The following PBX3 variants were observed in gnomAD, a reference collection of about 807,000 sequenced individuals.
PBX3 encodes PBX homeobox 3.
Under a neutral mutation model 48.5 loss-of-function variants are expected in PBX3, and 14 were observed. That is an observed-to-expected ratio of 0.29 (90% CI 0.19 to 0.45). PBX3 has a LOEUF of 0.45. Ranked by LOEUF, PBX3 falls within the 20% of genes least tolerant of loss-of-function variation. PBX3 has a pLI of 1.00. For synonymous variants in PBX3, 210 were observed against 200.3 expected, an observed-to-expected ratio of 1.05 and a Z score of -0.41; for missense variants, 386 against 546.7, an observed-to-expected ratio of 0.71 and a Z score of 2.93.
At chr9:125,846,783 A>G (rs929106550) in intron 2 of PBX3, among the ~76,000 whole-genome samples, 6 of 152,092 alleles carry the variant, frequency 3.9e-5, no homozygotes, top group Admixed American at 6.6e-5. Flanking sequence ...AATATGAACC[A>G]TAATTCCTTG....
At chr9:125,748,394 A>G (rs1588111825) in intron 1 of PBX3, 156 bp from the exon 2 acceptor site, 1 of 1,389,832 alleles carries the variant, frequency 7.2e-7, no homozygotes, top group Non-Finnish European at 9.4e-7. Flanking sequence ...GGCTGTCGGG[A>G]ACTAGTCAAC....
chr9:125,791,949 C>G (rs1321569124), intron 2 of PBX3, among the ~76,000 whole-genome samples: 1 of 151,928 alleles, frequency 6.6e-6, no homozygotes, highest in Non-Finnish European at 1.5e-5. Flanking sequence ...GCCTGTGGAA[C>G]TGTGAGTCAG....
chr9:125,820,557 A>G (rs560061726), intron 2 of PBX3, among the ~76,000 whole-genome samples: 3 of 152,374 alleles, frequency 2.0e-5, no homozygotes, highest in South Asian at 4.1e-4. Flanking sequence ...ATTGCTGTCA[A>G]CAGACCAAAA....
At chr9:125,910,517 G>A (rs1051264338) in intron 2 of PBX3, among the ~76,000 whole-genome samples, 4 of 151,938 alleles carry the variant, frequency 2.6e-5, no homozygotes, top group Admixed American at 2.0e-4. Context: ...AATAGAGAAT[G>A]AGTCAAGCGA....
intron 2 of PBX3, among the ~76,000 whole-genome samples, chr9:125,843,307 A>G (rs1271714940): frequency 1.3e-5 from 2 of 152,152 alleles, no homozygotes; most frequent in Non-Finnish European, 2.9e-5. Flanking sequence ...TTTTACTTAA[A>G]TGTGAGTATA....
At chr9:125,836,200 C>G (rs921032479) in intron 2 of PBX3, among the ~76,000 whole-genome samples, 1 of 152,174 alleles carries the variant, frequency 6.6e-6, no homozygotes, top group Non-Finnish European at 1.5e-5. Flanking sequence ...AATCCAAGCA[C>G]TTTGGGAGGC....
intron 2 of PBX3, among the ~76,000 whole-genome samples, chr9:125,885,094 A>G (rs1461873517): frequency 6.6e-6 from 1 of 152,104 alleles, no homozygotes; most frequent in East Asian, 1.9e-4. Context: ...TGTTACAGTC[A>G]TACAGCTATT....
intron 2 of PBX3, among the ~76,000 whole-genome samples, chr9:125,788,444 T>C (rs575017951): frequency 1.3e-5 from 2 of 152,344 alleles, no homozygotes; most frequent in South Asian, 4.1e-4. Flanking sequence ...CTACTTACAT[T>C]TATCTATTCA....
intron 2 of PBX3, among the ~76,000 whole-genome samples, chr9:125,792,743 A>C (rs7857380): frequency 0.71 from 106,155 of 149,750 alleles, 38,169 homozygotes; most frequent in African/African-American, 0.8. Flanking sequence ...CTGTTGCCCA[A>C]GCTGGAGTGC....
intron 2 of PBX3, among the ~76,000 whole-genome samples, chr9:125,818,028 C>G: frequency 6.6e-6 from 1 of 152,020 alleles, no homozygotes; most frequent in Non-Finnish European, 1.5e-5. Flanking sequence ...TGGTGACATC[C>G]TGTCTCTACT....
chr9:125,835,064 TGAAAAGACAAGTAACA>T (rs1839091798), intron 2 of PBX3, among the ~76,000 whole-genome samples: 1 of 80,382 alleles, frequency 1.2e-5, no homozygotes, highest in Non-Finnish European at 2.8e-5. Context: ...GCAAAAGATA[TGAAAAGACAAGTAACA>T]GAAAAGACAA....
chr9:125,857,716 A>G (rs1022180508), intron 2 of PBX3, among the ~76,000 whole-genome samples: 1 of 152,234 alleles, frequency 6.6e-6, no homozygotes, highest in Non-Finnish European at 1.5e-5. Context: ...TTTATTATAT[A>G]GCTATAACAT....
intron 5 of PBX3, among the ~76,000 whole-genome samples, chr9:125,945,354 C>T (rs1261743484): frequency 6.6e-5 from 10 of 152,106 alleles, no homozygotes; most frequent in Admixed American, 4.6e-4. Flanking sequence ...ATTATTGTTA[C>T]GCAGTTTCTC....
intron 4 of PBX3, among the ~76,000 whole-genome samples, chr9:125,934,031 C>T (rs569641169): frequency 1.3e-5 from 2 of 152,242 alleles, no homozygotes; most frequent in African/African-American, 2.4e-5. Context: ...TCCCTGTCTT[C>T]CCTTACCACC....
chr9:125,853,909 A>G (rs1421109128), intron 2 of PBX3, among the ~76,000 whole-genome samples: 2 of 152,204 alleles, frequency 1.3e-5, no homozygotes, highest in African/African-American at 2.4e-5. Flanking sequence ...AGCTATGCCC[A>G]ATATGAGTTA....
chr9:125,811,352 C>T (rs1010753512), intron 2 of PBX3, among the ~76,000 whole-genome samples: 1 of 152,140 alleles, frequency 6.6e-6, no homozygotes, highest in Admixed American at 6.5e-5. Flanking sequence ...TGTGTCCCTA[C>T]CCAAATCTCA....
chr9:125,824,922 G>C (rs1172942831), intron 2 of PBX3, among the ~76,000 whole-genome samples: 1 of 152,094 alleles, frequency 6.6e-6, no homozygotes, highest in Admixed American at 6.6e-5. Context: ...TCAACTCTAT[G>C]ATTTAGGCCA....
intron 5 of PBX3, among the ~76,000 whole-genome samples, chr9:125,957,988 A>G (rs1447896621): frequency 6.6e-6 from 1 of 152,240 alleles, no homozygotes; most frequent in Non-Finnish European, 1.5e-5. Context: ...GGTAAGGTCA[A>G]AGAGAACATG....
intron 2 of PBX3, among the ~76,000 whole-genome samples, chr9:125,784,132 A>T (rs575203038): frequency 6.6e-6 from 1 of 151,976 alleles, no homozygotes; most frequent in Admixed American, 6.6e-5. Context: ...TCATGGTTTT[A>T]TTTTATTTTA....
Sources: gnomAD v4.1 joint callset for allele counts (sites outside exome capture counted in the v4.1 genomes callset) on GRCh38, gnomAD v4.1.1 for gene constraint, MANE v1.5 for transcripts, NCBI Gene and HGNC (gene_info 2026-07-23, HGNC 2026-07-21) for gene names.